Variants in HS3ST2 observed in about 807,000 individuals in gnomAD.
HS3ST2 encodes the protein heparan sulfate-glucosamine 3-sulfotransferase 2, also known as heparan sulfate glucosamine 3-O-sulfotransferase 2.
Under a neutral mutation model 26.3 loss-of-function variants are expected in HS3ST2, and 17 were observed. The ratio of observed to expected loss-of-function variants is 0.65; its 90% CI spans 0.44 to 0.97. The LOEUF (loss-of-function observed/expected upper bound fraction) is 0.97. Among genes scored for constraint, HS3ST2 ranks in the 50% least tolerant of loss-of-function variants. The pLI, the probability that HS3ST2 is intolerant of heterozygous loss-of-function variation, is 0.00. For synonymous variants in HS3ST2, 237 were observed against 219.2 expected (o/e 1.08, Z -0.72); for missense variants, 402 against 501.2 (o/e 0.80, Z 1.89).
chr16:22,815,104 C>CAGG lies in HS3ST2; in HGVS notation c.485+12_485+14dup, dbSNP rs1207671549. 1 of 1,611,870 alleles carries CAGG rather than the reference C, an allele frequency of 6.2e-7. No homozygotes were observed. Among genetic ancestry groups the CAGG allele is most frequent in the East Asian group, 2.2e-5 (1 of 44,866 alleles). On this transcript the variant is annotated intron_variant, in intron 1 of 1. Transcript: ENST00000261374. ...GGGCTGGATTGGTACAGGTAAGGAC[C>CAGG]AGGAGCTCCGCTCCGTGCGCCGGGT...
intron 1 of HS3ST2, among the ~76,000 whole-genome samples, chr16:22,865,595 A>G (rs1370808980): frequency 6.6e-6 from 1 of 152,166 alleles, no homozygotes; most frequent in South Asian, 2.1e-4. Context: ...CAGAGATTTT[A>G]TATATGAGTT....
At chr16:22,889,405 A>G (rs1902103549) in intron 1 of HS3ST2, among the ~76,000 whole-genome samples, 1 of 152,216 alleles carries the variant, frequency 6.6e-6, no homozygotes, top group Non-Finnish European at 1.5e-5. Context: ...AAGCCCTGTA[A>G]GAAATATACA....
intron 1 of HS3ST2, among the ~76,000 whole-genome samples, chr16:22,877,449 G>C (rs978800743): frequency 6.6e-6 from 1 of 152,206 alleles, no homozygotes; most frequent in African/African-American, 2.4e-5. Context: ...GGGAAATGGA[G>C]CTTCCTTCTA....
At position 22,814,872 on chromosome 16, in the gene HS3ST2, G is replaced by A. The variant is rs1432142318; in HGVS notation, c.262G>A (p.Ala88Thr). ...PTPSEPSAPSAPAAAVPAPRL... is the reference protein window; with the variant it reads ...PTPSEPSAPSTPAAAVPAPRL... ...GCCCAGCGAGCCCAGCGCTCCCAGCGCGCCCGCCGCCGCCGTGCCCGCCCC... is the reference window on the plus strand; with the variant it reads ...GCCCAGCGAGCCCAGCGCTCCCAGCACGCCCGCCGCCGCCGTGCCCGCCCC... Residue 88 changes from alanine to threonine, a missense_variant, in exon 1 of 2, where the codon GCG (alanine) becomes ACG (threonine). Transcript: ENST00000261374. The A allele has an allele frequency of 6.4e-7, 1 of 1,558,072 alleles. No individual in the cohort carries two copies. Among genetic ancestry groups the A allele is most frequent in the Non-Finnish European group, 8.7e-7 (1 of 1,152,094 alleles).
intron 1 of HS3ST2, among the ~76,000 whole-genome samples, chr16:22,841,837 T>C (rs1286327610): frequency 6.6e-6 from 1 of 152,194 alleles, no homozygotes; most frequent in Admixed American, 6.5e-5. Flanking sequence ...AAAATGTCTC[T>C]GTTTTGCCTT....
intron 1 of HS3ST2, among the ~76,000 whole-genome samples, chr16:22,858,836 A>G (rs1462796747): frequency 1.3e-5 from 2 of 152,214 alleles, no homozygotes; most frequent in African/African-American, 4.8e-5. Context: ...AGTATAATAA[A>G]GAAAGCTCAA....
intron 1 of HS3ST2, among the ~76,000 whole-genome samples, chr16:22,880,038 C>A (rs1901966625): frequency 6.6e-6 from 1 of 152,188 alleles, no homozygotes; most frequent in African/African-American, 2.4e-5. Flanking sequence ...GAAGAACATT[C>A]TGCTAACTTA....
At chr16:22,852,453 T>C (rs72770546) in intron 1 of HS3ST2, among the ~76,000 whole-genome samples, 1,767 of 152,292 alleles carry the variant, frequency 0.012, 18 homozygotes, top group Non-Finnish European at 0.014. Flanking sequence ...CTGCTGGCTC[T>C]GGTCCCCAGT....
At chr16:22,816,890 T>A (rs1015378344) in intron 1 of HS3ST2, among the ~76,000 whole-genome samples, 1 of 152,200 alleles carries the variant, frequency 6.6e-6, no homozygotes, top group Non-Finnish European at 1.5e-5. Context: ...ATTCTGAGCA[T>A]CTGGCTTTCA....
intron 1 of HS3ST2, among the ~76,000 whole-genome samples, chr16:22,899,535 G>C (rs543623738): frequency 1.3e-5 from 2 of 152,156 alleles, no homozygotes; most frequent in Non-Finnish European, 2.9e-5. Flanking sequence ...GAGACACATG[G>C]TGGAATTGTG....
chr16:22,820,276 C>T (rs746997241), intron 1 of HS3ST2, among the ~76,000 whole-genome samples: 4 of 152,132 alleles, frequency 2.6e-5, no homozygotes, highest in Admixed American at 1.3e-4. Context: ...GAGGAACATT[C>T]GGAATGGGCA....
chr16:22,862,275 CT>C (rs397855284), intron 1 of HS3ST2, among the ~76,000 whole-genome samples: 9,987 of 123,190 alleles, frequency 0.081, 773 homozygotes, highest in African/African-American at 0.25. Flanking sequence ...TTCTCCTCAG[CT>C]TTTTTTTTTT....
chr16:22,868,696 G>A (rs1343398138), intron 1 of HS3ST2, among the ~76,000 whole-genome samples: 1 of 152,094 alleles, frequency 6.6e-6, no homozygotes, highest in East Asian at 1.9e-4. Context: ...TCTGGGCACT[G>A]ATTTGTTTCC....
At chr16:22,883,379 A>C (rs1902018238) in intron 1 of HS3ST2, among the ~76,000 whole-genome samples, 1 of 152,248 alleles carries the variant, frequency 6.6e-6, no homozygotes, top group Non-Finnish European at 1.5e-5. Flanking sequence ...GTCCAATGAG[A>C]AACAGTTGGA....
At chr16:22,837,456 A>G (rs1256268197) in intron 1 of HS3ST2, among the ~76,000 whole-genome samples, 1 of 149,130 alleles carries the variant, frequency 6.7e-6, no homozygotes, top group Admixed American at 6.7e-5. Flanking sequence ...CGATAATACC[A>G]AACCCTATAT....
intron 1 of HS3ST2, among the ~76,000 whole-genome samples, chr16:22,820,643 G>A (rs77585313): frequency 1.9e-3 from 290 of 152,346 alleles, no homozygotes; most frequent in African/African-American, 6.6e-3. Flanking sequence ...GCGGGAAACC[G>A]CCATGATTCA....
At chr16:22,846,495 AT>A (rs1373733355) in intron 1 of HS3ST2, among the ~76,000 whole-genome samples, 1 of 152,096 alleles carries the variant, frequency 6.6e-6, no homozygotes, top group African/African-American at 2.4e-5. Flanking sequence ...CATATCACCT[AT>A]GGTGTCAAGC....
rs145733985 is a variant in HS3ST2, at chr16:22,841,164, C to T, written c.485+26069C>T. On this transcript the variant is annotated intron_variant, in intron 1 of 1. Coordinates refer to ENST00000261374, the MANE Select transcript of HS3ST2 (RefSeq NM_006043.2). Reference sequence around the variant, plus strand: ...GCAACCTCTGCTTCCTGGGTTCAAGCGATTCTCCTGCCTCAGCCTCCTGAG... The same window carrying T: ...GCAACCTCTGCTTCCTGGGTTCAAGTGATTCTCCTGCCTCAGCCTCCTGAG... Among the ~76,000 whole-genome samples, 1,039 of 151,982 alleles carry T rather than the reference C, an allele frequency of 6.8e-3. 15 individuals carry two copies. The highest frequency in any genetic ancestry group is 0.024 in the African/African-American group (989 of 41,456).
At chr16:22,900,085 C>A (rs1902263470) in intron 1 of HS3ST2, among the ~76,000 whole-genome samples, 1 of 152,190 alleles carries the variant, frequency 6.6e-6, no homozygotes, top group African/African-American at 2.4e-5. Context: ...AGGTCCCTGG[C>A]CCTTTTTGAG....
Sources: allele counts gnomAD v4.1 joint callset (sites outside exome capture counted in the v4.1 genomes callset), GRCh38; gene constraint gnomAD v4.1.1; transcripts MANE v1.5; gene names NCBI Gene and HGNC (gene_info 2026-07-23, HGNC 2026-07-21).